Variants in GOLPH3 observed in about 807,000 individuals in gnomAD.
GOLPH3 encodes golgi phosphoprotein 3, also known as coat protein GPP34.
In GOLPH3, 14 loss-of-function variants were observed where a neutral mutation model predicts 28.5. The ratio of observed to expected loss-of-function variants is 0.49; its 90% CI spans 0.32 to 0.77. The LOEUF is 0.77. Among genes scored for constraint, GOLPH3 ranks in the 30% least tolerant of loss-of-function variants. The probability of loss-of-function intolerance (pLI) is 0.03; values close to 1 mark genes in which losing one functional copy is unlikely to be tolerated. For missense variants in GOLPH3, 350 were observed against 393.7 expected (o/e 0.89, Z 0.94); for synonymous variants, 158 against 159.2 (o/e 0.99, Z 0.06).
intron 1 of GOLPH3, among the ~76,000 whole-genome samples, chr5:32,170,086 AAT>A (rs1317040258): frequency 1.3e-5 from 2 of 152,246 alleles, no homozygotes; most frequent in Admixed American, 1.3e-4. Context: ...CTTGACTCAG[AAT>A]ATGTCAAAGT....
intron 1 of GOLPH3, among the ~76,000 whole-genome samples, 174 bp from the exon 2 acceptor site, chr5:32,144,054 C>T (rs575426430): frequency 2.0e-5 from 3 of 152,212 alleles, no homozygotes; most frequent in Non-Finnish European, 2.9e-5. Flanking sequence ...CGAGAATTTT[C>T]GGGGGCTTAT....
At chr5:32,173,761 C>G (rs1038286691) in intron 1 of GOLPH3, 49 bp downstream of exon 1, 2 of 1,267,844 alleles carry the variant, frequency 1.6e-6, no homozygotes, top group East Asian at 3.3e-5. Flanking sequence ...GCTCACCTGG[C>G]GCCCGGGCCC....
At chr5:32,136,462 C>T (rs1293859023) in intron 2 of GOLPH3, among the ~76,000 whole-genome samples, 1 of 143,114 alleles carries the variant, frequency 7.0e-6, no homozygotes. Context: ...GACTGGGCAA[C>T]AAGAGCAAAA....
At chr5:32,165,335 C>A (rs775246342) in intron 1 of GOLPH3, among the ~76,000 whole-genome samples, 2 of 152,092 alleles carry the variant, frequency 1.3e-5, no homozygotes, top group Admixed American at 6.5e-5. Flanking sequence ...GTAATCCCAG[C>A]ACTTTGGGAG....
At chr5:32,145,447 A>G (rs1746166303) in intron 1 of GOLPH3, among the ~76,000 whole-genome samples, 1 of 152,222 alleles carries the variant, frequency 6.6e-6, no homozygotes, top group African/African-American at 2.4e-5. Context: ...GTGTCCATGA[A>G]ATTAAAGCCC....
intron 1 of GOLPH3, among the ~76,000 whole-genome samples, chr5:32,157,793 T>G (rs1358330030): frequency 1.3e-5 from 2 of 151,740 alleles, no homozygotes; most frequent in African/African-American, 4.8e-5. Context: ...GCCTGACCAA[T>G]ATAGTGAAAC....
chr5:32,134,719 T>C (rs1333551672), intron 3 of GOLPH3: 1 of 152,068 alleles, frequency 6.6e-6, no homozygotes, highest in Non-Finnish European at 1.5e-5. Context: ...AATATTTATG[T>C]ATACATATAA....
intron 1 of GOLPH3, among the ~76,000 whole-genome samples, chr5:32,170,711 G>C (rs1438205969): frequency 6.6e-6 from 1 of 152,026 alleles, no homozygotes; most frequent in Non-Finnish European, 1.5e-5. Context: ...ACTCAGGGCG[G>C]ATCACTTGAG....
intron 1 of GOLPH3, among the ~76,000 whole-genome samples, chr5:32,152,428 C>A (rs889366407): frequency 3.3e-5 from 4 of 123,008 alleles, no homozygotes; most frequent in Non-Finnish European, 5.5e-5. Flanking sequence ...CCTGCCCCCC[C>A]CAGCCTTTTT....
At chr5:32,127,828 C>T (rs157491) in intron 3 of GOLPH3, among the ~76,000 whole-genome samples, 4,919 of 152,126 alleles carry the variant, frequency 0.032, 276 homozygotes, top group African/African-American at 0.11. Context: ...ATAAAATATA[C>T]GAAAAAACTG....
At chr5:32,149,440 G>C (rs1048205771) in intron 1 of GOLPH3, among the ~76,000 whole-genome samples, 3 of 152,142 alleles carry the variant, frequency 2.0e-5, no homozygotes, top group South Asian at 4.1e-4. Context: ...GATTATGGTG[G>C]TGGTTGTACA....
chr5:32,143,872 T>C lies in GOLPH3; in HGVS notation c.234A>G (p.Thr78=). 1 of 1,536,756 alleles carries C rather than the reference T, an allele frequency of 6.5e-7. No homozygotes were observed. The highest frequency in any genetic ancestry group is 1.3e-5 in the South Asian group (1 of 78,512). The change falls in exon 2 of 4, where the codon ACA becomes ACG. Residue 78 remains threonine, a synonymous_variant. Transcript: ENST00000265070. Reference sequence around the variant, plus strand: ...ATGATATACAGTCATTCCAAAATGATGTGTAACCCTATTAAAAAAAGAAGA... The same window carrying C: ...ATGATATACAGTCATTCCAAAATGACGTGTAACCCTATTAAAAAAAGAAGA... The part of the protein sequence containing the change: ...LLGLKDREGY[T]SFWNDCISSG...
intron 1 of GOLPH3, among the ~76,000 whole-genome samples, chr5:32,171,411 T>C (rs1029423018): frequency 1.3e-5 from 2 of 152,088 alleles, no homozygotes; most frequent in South Asian, 2.1e-4. Context: ...TAGAGTAACA[T>C]GTACTTGAAA....
At chr5:32,145,547 G>A (rs920709284) in intron 1 of GOLPH3, among the ~76,000 whole-genome samples, 3 of 152,166 alleles carry the variant, frequency 2.0e-5, no homozygotes, top group African/African-American at 4.8e-5. Flanking sequence ...GTTCCTAAAT[G>A]AGCCTCTACA....
At position 32,158,132 on chromosome 5, in the gene GOLPH3, T is replaced by TAAATA. The variant is rs1308648161; in HGVS notation, c.226-14253_226-14252insTATTT. The stretch of plus-strand genomic sequence containing the variant: ...TAAATAAATAAATAAATAAATAAAA[T>TAAATA]ACACACACACACACACACACACACA... On this transcript the variant is annotated intron_variant, in intron 1 of 3. Transcript: ENST00000265070. Among the ~76,000 whole-genome samples, 6 of 33,684 alleles carry TAAATA rather than the reference T, an allele frequency of 1.8e-4. 2 individuals carry two copies. The highest frequency in any genetic ancestry group is 7.2e-4 in the African/African-American group (6 of 8,312). The allele number at this position is 33,684 out of a possible 152,430, so 22.1% of individuals were successfully genotyped here.
chr5:32,135,205 T>G (rs1388293109), intron 3 of GOLPH3, among the ~76,000 whole-genome samples: 2 of 152,232 alleles, frequency 1.3e-5, no homozygotes, highest in African/African-American at 2.4e-5. Context: ...GAGGATGAGG[T>G]AGCCTGTGAC....
chr5:32,149,605 G>A (rs1412062171), intron 1 of GOLPH3, among the ~76,000 whole-genome samples: 4 of 152,122 alleles, frequency 2.6e-5, no homozygotes, highest in Admixed American at 2.6e-4. Flanking sequence ...AAAAGTTCTT[G>A]ACAAAAATAA....
At chr5:32,151,617 A>G (rs539835549) in intron 1 of GOLPH3, among the ~76,000 whole-genome samples, 1 of 152,352 alleles carries the variant, frequency 6.6e-6, no homozygotes, top group African/African-American at 2.4e-5. Flanking sequence ...TTTGTCATTC[A>G]TAATAAAAAT....
intron 1 of GOLPH3, among the ~76,000 whole-genome samples, chr5:32,161,300 G>T (rs1352714573): frequency 6.7e-6 from 1 of 150,226 alleles, no homozygotes; most frequent in Non-Finnish European, 1.5e-5. Flanking sequence ...CTACTTGGAA[G>T]GCTGAGGTGG....
Sources: allele counts gnomAD v4.1 joint callset (sites outside exome capture counted in the v4.1 genomes callset), GRCh38; gene constraint gnomAD v4.1.1; transcripts MANE v1.5; gene names NCBI Gene and HGNC (gene_info 2026-07-23, HGNC 2026-07-21).